SFMBT1: variants seen among roughly 807,000 people sequenced by gnomAD.
The protein encoded by SFMBT1 is scm-like with four MBT domains protein 1.
SFMBT1 carries 32 observed loss-of-function variants against 108.7 expected under a neutral mutation model. The ratio of observed to expected loss-of-function variants is 0.29; its 90% CI spans 0.22 to 0.40. The LOEUF (loss-of-function observed/expected upper bound fraction) is 0.40. SFMBT1 is among the 10% of genes least tolerant of loss of function. The probability of loss-of-function intolerance (pLI) is 1.00; values close to 1 mark genes in which losing one functional copy is unlikely to be tolerated. For missense variants in SFMBT1, 816 were observed against 1,059.6 expected (o/e 0.77, Z 3.19); for synonymous variants, 348 against 369.5 (o/e 0.94, Z 0.67).
intron 1 of SFMBT1, among the ~76,000 whole-genome samples, chr3:53,022,165 C>G (rs1699331762): frequency 1.3e-5 from 2 of 152,156 alleles, no homozygotes; most frequent in African/African-American, 4.8e-5. Flanking sequence ...AACAGCCTAG[C>G]TGGACTGGGT....
intron 1 of SFMBT1, among the ~76,000 whole-genome samples, chr3:52,999,335 C>G (rs1346770730): frequency 6.7e-6 from 1 of 150,166 alleles, no homozygotes; most frequent in Non-Finnish European, 1.5e-5. Context: ...GGAAAGGAGC[C>G]GACGCCCCAC....
At chr3:53,007,640 T>C (rs944062239) in intron 1 of SFMBT1, among the ~76,000 whole-genome samples, 1 of 152,180 alleles carries the variant, frequency 6.6e-6, no homozygotes, top group Non-Finnish European at 1.5e-5. Flanking sequence ...TAAAAGATTA[T>C]AGCTCATTGA....
At chr3:52,989,133 T>C (rs986089725) in intron 1 of SFMBT1, among the ~76,000 whole-genome samples, 24 of 152,232 alleles carry the variant, frequency 1.6e-4, no homozygotes, top group African/African-American at 5.8e-4. Context: ...AATAATTTGG[T>C]TTCTTTCCTA....
chr3:52,998,386 C>T (rs915385624), intron 1 of SFMBT1, among the ~76,000 whole-genome samples: 4 of 149,444 alleles, frequency 2.7e-5, no homozygotes, highest in South Asian at 2.1e-4. Context: ...AGAGAGACTC[C>T]GTCTCAAAAA....
intron 1 of SFMBT1, among the ~76,000 whole-genome samples, chr3:53,004,536 T>C (rs910765404): frequency 1.3e-5 from 2 of 149,744 alleles, no homozygotes; most frequent in Non-Finnish European, 3.0e-5. Flanking sequence ...CCTCCCAGAG[T>C]GCTGGGATTA....
At chr3:53,023,964 T>A (rs761952083) in intron 1 of SFMBT1, among the ~76,000 whole-genome samples, 18 of 152,208 alleles carry the variant, frequency 1.2e-4, no homozygotes, top group Admixed American at 4.6e-4. Context: ...AGTGAGCAAC[T>A]ACTATGGACC....
chr3:52,921,634 A>T, intron 11 of SFMBT1, 71 bp downstream of exon 11: 1 of 1,527,524 alleles, frequency 6.5e-7, no homozygotes, highest in Non-Finnish European at 8.8e-7. Context: ...TTAACAGGCA[A>T]CATTACAGGA....
At chr3:52,963,603 T>A (rs1704036316) in intron 2 of SFMBT1, among the ~76,000 whole-genome samples, 1 of 151,870 alleles carries the variant, frequency 6.6e-6, no homozygotes. Context: ...TACATGCCAC[T>A]GCACCTGGCT....
At chr3:52,907,769 C>A (rs1702108791) in intron 17 of SFMBT1, 36 bp from the exon 18 acceptor site, 2 of 1,562,218 alleles carry the variant, frequency 1.3e-6, no homozygotes, top group African/African-American at 1.4e-5. Flanking sequence ...GAAGTAGCTT[C>A]ATTATTTTTG....
rs540543411 is a variant in SFMBT1, at chr3:53,027,323, C to T, written c.-131+18493G>A. 1.4e-4 allele frequency among the ~76,000 whole-genome samples: 21 copies of T among 152,116 alleles called. No individual in the cohort carries two copies. The South Asian group carries it at 3.1e-3, about 23-fold the overall frequency. On this transcript the variant is annotated intron_variant, in intron 1 of 20. Transcript: ENST00000394752. Reference sequence around the variant, plus strand: ...CCGTTAAAACACCTTCCATAGTAGACGCTTTACACTTTTTTGACAACACTT... The same window carrying T: ...CCGTTAAAACACCTTCCATAGTAGATGCTTTACACTTTTTTGACAACACTT...
intron 1 of SFMBT1, among the ~76,000 whole-genome samples, chr3:52,987,799 C>T (rs965129733): frequency 3.3e-5 from 5 of 152,150 alleles, no homozygotes; most frequent in African/African-American, 1.2e-4. Context: ...ACAGATGCTG[C>T]CATCTATAAG....
intron 1 of SFMBT1, among the ~76,000 whole-genome samples, chr3:52,985,409 G>C (rs1459714838): frequency 6.6e-6 from 1 of 152,162 alleles, no homozygotes; most frequent in African/African-American, 2.4e-5. Context: ...CTATGTATGT[G>C]CCTGGCACTT....
chr3:52,941,613 A>AAAG (rs1410024937), intron 4 of SFMBT1, among the ~76,000 whole-genome samples: 2 of 150,098 alleles, frequency 1.3e-5, no homozygotes, highest in East Asian at 3.9e-4. Flanking sequence ...AAAAAAAAAA[A>AAAG]AAAAGTTATT....
rs1159090763 is a variant in SFMBT1, at chr3:52,996,258, C to G, written c.-130-27000G>C. On this transcript the variant is annotated intron_variant, in intron 1 of 20. Coordinates refer to ENST00000394752, the MANE Select transcript of SFMBT1 (RefSeq NM_016329.4). ...ACAGGGTCTCCCTCTGGTCACTGGG[C>G]TGCAGTGCAGTAGCACCATCTTGGC... Among the ~76,000 whole-genome samples the G allele has an allele frequency of 1.2e-4, 14 of 118,758 alleles. 1 individual carries two copies. The highest frequency in any genetic ancestry group is 2.3e-4 in the Non-Finnish European group (14 of 60,198). 77.9% of individuals were successfully genotyped at this position (118,758 alleles called of 152,430 possible).
chr3:52,997,354 T>A (rs865858816), intron 1 of SFMBT1, among the ~76,000 whole-genome samples: 1 of 149,376 alleles, frequency 6.7e-6, no homozygotes, highest in East Asian at 2.0e-4. Context: ...TGGCTAACAC[T>A]GTGAAACCCG....
chr3:52,991,342 C>CTTTTTTTTTTTTTTTTTTTTTTTTTTTT, intron 1 of SFMBT1, among the ~76,000 whole-genome samples: 1 of 91,218 alleles, frequency 1.1e-5, no homozygotes, highest in Middle Eastern at 0.01. Context: ...GCTGAAACTT[C>CTTTTTTTTTTTTTTTTTTTTTTTTTTTT]TTTTTTTTTT....
Position 52,903,787 on chromosome 3 carries a change from A to G in SFMBT1, c.*1349T>C, listed in dbSNP as rs928549709. ...CTAGAATAGTGCAGCAAACGCTATT[A>G]TTCTATAATAGCTAGCAATGGAATA... On this transcript the variant is annotated 3_prime_UTR_variant, in exon 21 of 21. Transcript: ENST00000394752. 3.9e-5 allele frequency: 6 copies of G among 152,240 alleles called. No homozygotes were observed. The highest frequency in any genetic ancestry group is 1.4e-4 in the African/African-American group (6 of 41,460). The allele number at this position is 152,240 out of a possible 1,614,324, so 9.4% of individuals were successfully genotyped here. A position where few individuals can be genotyped will look rare whatever the true frequency, so the allele number is the denominator to read the frequency against.
At chr3:52,968,135 C>T (rs900503659) in intron 2 of SFMBT1, among the ~76,000 whole-genome samples, 9 of 152,146 alleles carry the variant, frequency 5.9e-5, no homozygotes, top group Non-Finnish European at 8.8e-5. Flanking sequence ...TCAATATACG[C>T]GAGAGCTTGG....
intron 9 of SFMBT1, among the ~76,000 whole-genome samples, chr3:52,926,946 C>A (rs934452213): frequency 6.6e-6 from 1 of 152,172 alleles, no homozygotes; most frequent in African/African-American, 2.4e-5. Context: ...AACCTCAATG[C>A]CTGACAGTAC....
Sources: gnomAD v4.1 joint callset for allele counts (sites outside exome capture counted in the v4.1 genomes callset) on GRCh38, gnomAD v4.1.1 for gene constraint, MANE v1.5 for transcripts, NCBI Gene and HGNC (gene_info 2026-07-23, HGNC 2026-07-21) for gene names.